The following FMO3 variants were observed in gnomAD, a reference collection of about 807,000 sequenced individuals.
FMO3 encodes the protein flavin-containing monooxygenase 3.
In FMO3, 40 loss-of-function variants were observed where a neutral mutation model predicts 39.4. The ratio of observed to expected loss-of-function variants is 1.02; its 90% confidence interval spans 0.79 to 1.32. FMO3 has a LOEUF of 1.32. Among genes scored for constraint, FMO3 ranks in the 40% most tolerant of loss-of-function variants. The pLI, the probability that FMO3 is intolerant of heterozygous loss-of-function variation, is 0.00. For synonymous variants in FMO3, 219 were observed against 228.8 expected (o/e 0.96, Z 0.39); for missense variants, 680 against 651.8 (o/e 1.04, Z -0.47).
Position 171,095,480 on chromosome 1 carries a change from C to A in FMO3, c.132+2690C>A, listed in dbSNP as rs528076010. Among the ~76,000 whole-genome samples the A allele has an allele frequency of 3.3e-5, 5 of 151,840 alleles. No individual in the cohort carries two copies. The South Asian group carries it at 8.3e-4, about 25-fold the overall frequency. ...GTCTTATTTTTCTTCTTCTGATAAA[C>A]CCATTAATATATATGCAAATTTAGG... On this transcript the variant is annotated intron_variant, in intron 2 of 8. Transcript: ENST00000367755.
intron 6 of FMO3, among the ~76,000 whole-genome samples, chr1:171,113,197 C>T (rs1398632232): frequency 6.6e-6 from 1 of 152,204 alleles, no homozygotes; most frequent in African/African-American, 2.4e-5. Context: ...TATTCACATT[C>T]ATCCCTGGGT....
chr1:171,106,018 A>T (rs1655619418), intron 3 of FMO3, among the ~76,000 whole-genome samples: 1 of 152,180 alleles, frequency 6.6e-6, no homozygotes, highest in Non-Finnish European at 1.5e-5. Context: ...TCCAACTCTT[A>T]TTATAAAAAA....
At chr1:171,105,107 C>G (rs1016864666) in intron 3 of FMO3, among the ~76,000 whole-genome samples, 1 of 151,924 alleles carries the variant, frequency 6.6e-6, no homozygotes, top group Non-Finnish European at 1.5e-5. Context: ...AAGTAGAAAG[C>G]CTGAATTGTC....
intron 2 of FMO3, chr1:171,100,389 G>T (rs1439425364): frequency 6.6e-6 from 1 of 152,246 alleles, no homozygotes; most frequent in Non-Finnish European, 1.5e-5. Flanking sequence ...GAAGGAATTT[G>T]TCCTACTGGA....
At chr1:171,111,041 A>T (rs747729905) in intron 6 of FMO3, 44 bp downstream of exon 6, 1 of 1,496,258 alleles carries the variant, frequency 6.7e-7, no homozygotes, top group Non-Finnish European at 9.3e-7. Flanking sequence ...CTTTTAGTTC[A>T]GTGTCAACAA....
chr1:171,111,443 A>C (rs1655904600), intron 6 of FMO3, among the ~76,000 whole-genome samples: 1 of 152,132 alleles, frequency 6.6e-6, no homozygotes, highest in Admixed American at 6.6e-5. Flanking sequence ...GTTCAAAACA[A>C]ACCCAGATCT....
At chr1:171,095,604 G>A (rs1005202952) in intron 2 of FMO3, among the ~76,000 whole-genome samples, 2 of 150,576 alleles carry the variant, frequency 1.3e-5, no homozygotes, top group African/African-American at 2.4e-5. Context: ...ATGAAACAGT[G>A]TCTGTAACAG....
intron 3 of FMO3, among the ~76,000 whole-genome samples, chr1:171,104,317 C>A (rs1055589758): frequency 4.6e-5 from 7 of 152,038 alleles, no homozygotes; most frequent in Admixed American, 4.6e-4. Flanking sequence ...TTAAAAATAT[C>A]TATAACTGAA....
intron 2 of FMO3, among the ~76,000 whole-genome samples, chr1:171,099,023 T>C (rs1655233237): frequency 6.6e-6 from 1 of 152,184 alleles, no homozygotes; most frequent in Non-Finnish European, 1.5e-5. Context: ...CTGCTTTCTC[T>C]TGTGGGCATT....
chr1:171,108,102 T>C lies in FMO3; in HGVS notation c.508T>C (p.Cys170Arg), dbSNP rs764574402. ...AGGACTAAACCACTTTAAAGGCAAA[T>C]GCTTCCACAGCAGGGACTATAAAGA... ...FPGLNHFKGK[C>R]FHSRDYKEPG... The change falls in exon 5 of 9, where the codon TGC becomes CGC. Residue 170 changes from cysteine (C) to arginine (R), a missense_variant. Physicochemically the swap from Cys to Arg is radical, Grantham distance 180. Coordinates refer to ENST00000367755, the MANE Select transcript of FMO3 (RefSeq NM_001002294.3). 3 of 1,613,892 alleles carry C rather than the reference T, an allele frequency of 1.9e-6. No individual in the cohort carries two copies. The highest frequency in any genetic ancestry group is 2.5e-6 in the Non-Finnish European group (3 of 1,179,876).
chr1:171,105,276 GTTATT>G (rs1488017950), intron 3 of FMO3, among the ~76,000 whole-genome samples: 3 of 152,028 alleles, frequency 2.0e-5, no homozygotes, highest in Non-Finnish European at 2.9e-5. Flanking sequence ...GATTTCCAAA[GTTATT>G]TTATGACATT....
intron 5 of FMO3, among the ~76,000 whole-genome samples, chr1:171,109,603 C>T (rs576819306): frequency 1.1e-3 from 140 of 128,922 alleles, no homozygotes; most frequent in African/African-American, 2.3e-3. Flanking sequence ...GGCACAATCT[C>T]GGCTCACTGC....
At chr1:171,096,984 C>T (rs1352300876) in intron 2 of FMO3, among the ~76,000 whole-genome samples, 3 of 150,384 alleles carry the variant, frequency 2.0e-5, no homozygotes, top group Non-Finnish European at 4.4e-5. Flanking sequence ...TATTCCCCTT[C>T]CTGTGTCCAA....
chr1:171,096,056 AAT>A (rs1186793119), intron 2 of FMO3, among the ~76,000 whole-genome samples: 910 of 54,830 alleles, frequency 0.017, 33 homozygotes, highest in Admixed American at 0.025. Context: ...ATAAATATAT[AAT>A]ATATATTATA....
chr1:171,097,098 T>C (rs570799136), intron 2 of FMO3, among the ~76,000 whole-genome samples: 75 of 150,482 alleles, frequency 5.0e-4, no homozygotes, highest in Non-Finnish European at 8.1e-4. Flanking sequence ...GCTTCATCCA[T>C]GTCCCTACAA....
chr1:171,113,985 A>G, intron 6 of FMO3, 22 bp from the exon 7 acceptor site: 6 of 1,454,134 alleles, frequency 4.1e-6, no homozygotes, highest in Non-Finnish European at 4.8e-6. Context: ...ACTTCCAATA[A>G]TTGTCTCTGT....
rs780181357 is a variant in FMO3 at position 171,117,136 on chromosome 1, T to C, written c.1293T>C (p.Ile431=). The change falls in exon 9 of 9, where the codon ATT becomes ATC. Residue 431 remains isoleucine, a synonymous_variant. Coordinates refer to ENST00000367755, the MANE Select transcript of FMO3 (RefSeq NM_001002294.3). ...GKSETIQTDY[I]VYMDELSSFI... Reference sequence around the variant, plus strand: ...GCGAGACCATACAGACAGATTACATTGTTTATATGGATGAACTCTCCTCCT... The same window carrying C: ...GCGAGACCATACAGACAGATTACATCGTTTATATGGATGAACTCTCCTCCT... The C allele has an allele frequency of 8.7e-6, 14 of 1,614,070 alleles. No homozygotes were observed. In the East Asian group the frequency reaches 2.7e-4, roughly 31 times the overall value.
At chr1:171,093,691 G>A (rs1359144650) in intron 2 of FMO3, among the ~76,000 whole-genome samples, 3 of 151,636 alleles carry the variant, frequency 2.0e-5, no homozygotes, top group Non-Finnish European at 4.4e-5. Context: ...CTTTTCCTTT[G>A]GATAGATATC....
At chr1:171,094,497 C>G (rs972518546) in intron 2 of FMO3, among the ~76,000 whole-genome samples, 1 of 151,914 alleles carries the variant, frequency 6.6e-6, no homozygotes, top group South Asian at 2.1e-4. Flanking sequence ...GCTTTTGAGG[C>G]CTTAGTCATA....
Sources: allele counts gnomAD v4.1 joint callset (sites outside exome capture counted in the v4.1 genomes callset), GRCh38; gene constraint gnomAD v4.1.1; transcripts MANE v1.5; gene names NCBI Gene and HGNC (gene_info 2026-07-23, HGNC 2026-07-21).